The following TCF12 variants were observed in gnomAD, a reference collection of about 807,000 sequenced individuals.
The protein encoded by TCF12 is DNA-binding protein HTF4.
In TCF12, 45 loss-of-function variants were observed where a neutral mutation model predicts 86.0. That is an observed-to-expected ratio of 0.52 (90% confidence interval 0.41 to 0.67). The LOEUF is 0.67. Ranked by LOEUF, TCF12 falls within the 30% of genes least tolerant of loss-of-function variation. The probability of loss-of-function intolerance (pLI) is 0.00; values close to 1 mark genes in which losing one functional copy is unlikely to be tolerated. For missense variants in TCF12, 881 were observed against 859.9 expected, an observed-to-expected ratio of 1.02 and a Z score of -0.31; for synonymous variants, 330 against 299.6, an observed-to-expected ratio of 1.10 and a Z score of -1.05.
At chr15:56,943,797 T>A (rs959801801) in intron 3 of TCF12, among the ~76,000 whole-genome samples, 2 of 152,208 alleles carry the variant, frequency 1.3e-5, no homozygotes, top group South Asian at 2.1e-4. Flanking sequence ...GGATTGGTTC[T>A]AGAAAGGGAA....
chr15:56,978,458 A>G (rs2062723346), intron 3 of TCF12, among the ~76,000 whole-genome samples: 1 of 152,182 alleles, frequency 6.6e-6, no homozygotes, highest in Non-Finnish European at 1.5e-5. Flanking sequence ...AAGAAAAATC[A>G]TGATTCCACT....
chr15:56,947,694 C>T (rs2140414681), intron 3 of TCF12, among the ~76,000 whole-genome samples: 1 of 152,244 alleles, frequency 6.6e-6, no homozygotes, highest in East Asian at 1.9e-4. Context: ...TGCATCATGG[C>T]TCAAATCAGA....
intron 5 of TCF12, chr15:57,129,810 G>C (rs746935183): frequency 2.0e-5 from 3 of 152,160 alleles, no homozygotes; most frequent in Non-Finnish European, 2.9e-5. Context: ...CTGAGGCTTA[G>C]AGAGAAGACA....
At chr15:57,126,464 A>G (rs1044197204) in intron 5 of TCF12, among the ~76,000 whole-genome samples, 12 of 152,196 alleles carry the variant, frequency 7.9e-5, no homozygotes, top group African/African-American at 2.9e-4. Context: ...CCAGTATAAC[A>G]TGCTCTGTGT....
At chr15:57,072,552 G>A in intron 4 of TCF12, 1 of 628,094 alleles carries the variant, frequency 1.6e-6, no homozygotes, top group Non-Finnish European at 2.1e-6. Context: ...TATTTTTGAA[G>A]GGGAAAAAGG....
intron 16 of TCF12, among the ~76,000 whole-genome samples, chr15:57,257,871 A>G (rs541672038): frequency 1.3e-5 from 2 of 152,288 alleles, no homozygotes; most frequent in East Asian, 3.9e-4. Context: ...CGCGAAATCA[A>G]GAGTTTTTAG....
intron 3 of TCF12, among the ~76,000 whole-genome samples, chr15:56,969,535 A>ATT (rs67565542): frequency 0.01 from 1,337 of 129,954 alleles, 37 homozygotes; most frequent in Admixed American, 0.023. Context: ...CCAGTTGGAG[A>ATT]TTTTTTTTTT....
intron 3 of TCF12, among the ~76,000 whole-genome samples, chr15:56,936,969 T>C (rs187127123): frequency 6.6e-6 from 1 of 152,318 alleles, no homozygotes; most frequent in Admixed American, 6.5e-5. Context: ...TCTGGTTCCA[T>C]ATGAATTTTA....
At chr15:57,117,594 C>T (rs1276128073) in intron 5 of TCF12, among the ~76,000 whole-genome samples, 2 of 151,898 alleles carry the variant, frequency 1.3e-5, no homozygotes, top group Non-Finnish European at 2.9e-5. Flanking sequence ...TATATAAATG[C>T]GGATAGTAAT....
At chr15:57,198,313 G>T (rs766185455) in intron 8 of TCF12, among the ~76,000 whole-genome samples, 4 of 152,160 alleles carry the variant, frequency 2.6e-5, no homozygotes, top group Non-Finnish European at 4.4e-5. Flanking sequence ...CACCAAGTCA[G>T]ATGTTCATTG....
At chr15:57,041,882 C>T (rs16977215) in intron 3 of TCF12, among the ~76,000 whole-genome samples, 1,765 of 152,242 alleles carry the variant, frequency 0.012, 34 homozygotes, top group African/African-American at 0.036. Context: ...TGTACTGTGG[C>T]TCTTCATATT....
intron 2 of TCF12, 126 bp from the exon 3 acceptor site, chr15:56,920,900 A>G (rs2059762171): frequency 4.8e-6 from 3 of 619,666 alleles, no homozygotes; most frequent in Non-Finnish European, 8.0e-6. Context: ...ATCTGAATGT[A>G]TCTCCAATTT....
intron 6 of TCF12, among the ~76,000 whole-genome samples, chr15:57,170,968 A>C (rs1245749944): frequency 2.7e-5 from 4 of 149,794 alleles, no homozygotes; most frequent in Non-Finnish European, 5.9e-5. Flanking sequence ...ACAAATGTCC[A>C]GGTGATTTTG....
chr15:56,981,825 G>A (rs1246556417), intron 3 of TCF12, among the ~76,000 whole-genome samples: 2 of 152,136 alleles, frequency 1.3e-5, no homozygotes, highest in Non-Finnish European at 2.9e-5. Flanking sequence ...GAATCATTGG[G>A]AAAGAAAATA....
intron 3 of TCF12, among the ~76,000 whole-genome samples, chr15:56,941,293 G>A (rs1292720271): frequency 6.6e-6 from 1 of 151,936 alleles, no homozygotes; most frequent in Admixed American, 6.6e-5. Flanking sequence ...CTGAGGCCAG[G>A]AAAATCAAGG....
intron 3 of TCF12, among the ~76,000 whole-genome samples, chr15:56,966,475 T>C (rs547035278): frequency 2.6e-5 from 4 of 152,308 alleles, no homozygotes; most frequent in South Asian, 4.1e-4. Context: ...AGAGATTGTG[T>C]TGATATATGA....
intron 19 of TCF12, among the ~76,000 whole-genome samples, chr15:57,275,917 G>C (rs1277428614): frequency 6.6e-6 from 1 of 152,128 alleles, no homozygotes; most frequent in Admixed American, 6.5e-5. Flanking sequence ...TTTGTGCCTT[G>C]TTGCCCCACC....
intron 5 of TCF12, among the ~76,000 whole-genome samples, chr15:57,157,464 T>C (rs1378554021): frequency 6.6e-6 from 1 of 151,998 alleles, no homozygotes; most frequent in Admixed American, 6.6e-5. Context: ...AATTATGTTA[T>C]CAAGGACAAT....
chr15:57,247,372 T>TC (rs1164713036), intron 13 of TCF12: 10 of 659,014 alleles, frequency 1.5e-5, no homozygotes, highest in Non-Finnish European at 2.5e-5. Context: ...CTCCAAAGTT[T>TC]CCTCCATAAT....
Sources: gnomAD v4.1 joint callset for allele counts (sites outside exome capture counted in the v4.1 genomes callset) on GRCh38, gnomAD v4.1.1 for gene constraint, MANE v1.5 for transcripts, NCBI Gene and HGNC (gene_info 2026-07-23, HGNC 2026-07-21) for gene names.